ASL: variants seen among roughly 807,000 people sequenced by gnomAD.
ASL encodes the protein argininosuccinase.
ASL carries 51 observed loss-of-function variants against 69.1 expected under a neutral mutation model. The observed-to-expected ratio is 0.74, with a 90% CI of 0.59 to 0.93. The LOEUF (loss-of-function observed/expected upper bound fraction) is 0.93. ASL is among the 40% of genes least tolerant of loss of function. The pLI, the probability that ASL is intolerant of heterozygous loss-of-function variation, is 0.00. For missense variants in ASL, 540 were observed against 623.9 expected, an observed-to-expected ratio of 0.87 and a Z score of 1.43; for synonymous variants, 241 against 247.6, an observed-to-expected ratio of 0.97 and a Z score of 0.25.
In ASL at chr7:66,091,730, C is replaced by A. The variant is rs188153223; in HGVS notation, c.1063-276C>A. ...AGACCCTGTCTCCTAAAACAGAAAACAAATCCTCCAGGAACATCTGATGCA... is the reference window on the plus strand; with the variant it reads ...AGACCCTGTCTCCTAAAACAGAAAAAAAATCCTCCAGGAACATCTGATGCA... On this transcript the variant is annotated intron_variant, in intron 14 of 16. Coordinates refer to ENST00000304874, the MANE Select transcript of ASL (RefSeq NM_000048.4). The A allele has an allele frequency of 2.0e-3, 916 of 465,956 alleles. 12 individuals carry two copies. The highest frequency in any genetic ancestry group is 0.016 in the African/African-American group (835 of 50,652). 28.9% of individuals were successfully genotyped at this position (465,956 alleles called of 1,614,324 possible).
intron 2 of ASL, among the ~76,000 whole-genome samples, chr7:66,077,805 C>T (rs1362478801): frequency 6.6e-6 from 1 of 152,224 alleles, no homozygotes; most frequent in Non-Finnish European, 1.5e-5. Context: ...AACTGTTGCT[C>T]ATTCAACCCA....
Position 66,081,965 on chromosome 7 carries a change from G to A in ASL, c.175G>A (p.Glu59Lys), listed in dbSNP as rs869312985. ...GAAGGCAGGGCTCCTCACCAAGGCC[G>A]AGATGGACCAGATACTCCATGGCCT... ...LEKAGLLTKA[E>K]MDQILHGLDK... The change falls in exon 3 of 17, where the codon GAG (glutamate) becomes AAG (lysine). Residue 59 changes from glutamate (E) to lysine (K), a missense_variant. Glu to Lys is a moderately conservative substitution (Grantham distance 56). Coordinates refer to ENST00000304874, the MANE Select transcript of ASL (RefSeq NM_000048.4). The A allele has an allele frequency of 5.6e-6, 9 of 1,612,480 alleles. No individual in the cohort carries two copies. Among genetic ancestry groups the A allele is most frequent in the Admixed American group, 1.7e-5 (1 of 59,706 alleles).
Position 66,093,081 on chromosome 7 carries a change from G to A in ASL, c.*169G>A. 1 of 1,138,864 alleles carries A rather than the reference G, an allele frequency of 8.8e-7. No homozygotes were observed. Among genetic ancestry groups the A allele is most frequent in the South Asian group, 1.4e-5 (1 of 69,442 alleles). 70.5% of individuals were successfully genotyped at this position (1,138,864 alleles called of 1,614,324 possible). ...CCTGTAATCCCAGCACTTTGGAAGG[G>A]CAAGGTGCGAGGATGCTTGAGGCCA... On this transcript the variant is annotated 3_prime_UTR_variant, in exon 17 of 17. Transcript: ENST00000304874.
intron 3 of ASL, 119 bp from the exon 4 acceptor site, chr7:66,082,249 G>A (rs549481851): frequency 2.5e-6 from 3 of 1,202,482 alleles, no homozygotes; most frequent in African/African-American, 3.0e-5. Flanking sequence ...TGCGCTTCCA[G>A]GACTCAGCTC....
rs1228047537 is a variant in ASL at position 66,082,439 on chromosome 7, G to A, written c.279G>A (p.Glu93=). ...SNDEDIHTAN[E]RRLKELIGAT... ...ATGAGGACATCCACACAGCCAATGA[G>A]CGCCGCCTGAAGGTACGACCCCTGG... Residue 93 remains glutamate (E), a synonymous_variant, in exon 4 of 17, where the codon GAG becomes GAA. Transcript: ENST00000304874. 1 of 1,610,298 alleles carries A rather than the reference G, an allele frequency of 6.2e-7. No homozygotes were observed. The highest frequency in any genetic ancestry group is 8.5e-7 in the Non-Finnish European group (1 of 1,179,304).
At position 66,093,059 on chromosome 7, in the gene ASL, GTAAT is replaced by G; in HGVS notation, c.*148_*151del. 2.2e-6 allele frequency: 3 copies of G among 1,352,522 alleles called. No homozygotes were observed. The highest frequency in any genetic ancestry group is 3.0e-6 in the Non-Finnish European group (3 of 988,352). The allele number at this position is 1,352,522 out of a possible 1,614,324, so 83.8% of individuals were successfully genotyped here. A position where few individuals can be genotyped will look rare whatever the true frequency, so the allele number is the denominator to read the frequency against. On this transcript the variant is annotated 3_prime_UTR_variant, in exon 17 of 17. Coordinates refer to ENST00000304874, the MANE Select transcript of ASL (RefSeq NM_000048.4). ...CTGGAGAGGCAGGGCAGGGTGGCCTGTAATCCCAGCACTTTGGAAGGGCAAGGTG... is the reference window on the plus strand; with the variant it reads ...CTGGAGAGGCAGGGCAGGGTGGCCTGCCCAGCACTTTGGAAGGGCAAGGTG...
chr7:66,083,501 A>T (rs1186150353), intron 6 of ASL, among the ~76,000 whole-genome samples: 1 of 151,990 alleles, frequency 6.6e-6, no homozygotes, highest in Non-Finnish European at 1.5e-5. Flanking sequence ...CCTGGCCAAC[A>T]TGGGAAAACT....
intron 14 of ASL, among the ~76,000 whole-genome samples, chr7:66,090,852 A>G (rs1786820518): frequency 1.3e-5 from 2 of 151,954 alleles, no homozygotes; most frequent in African/African-American, 4.8e-5. Context: ...AATCCCATCA[A>G]TTTGCGAGAC....
Position 66,087,354 on chromosome 7 carries a change from C to G in ASL, c.623C>G (p.Pro208Arg), listed in dbSNP as rs1263616535. 1 of 1,606,082 alleles carries G rather than the reference C, an allele frequency of 6.2e-7. No homozygotes were observed. The highest frequency in any genetic ancestry group is 1.7e-5 in the Admixed American group (1 of 59,978). Residue 208 changes from proline to arginine, a missense_variant, in exon 9 of 17, where the codon CCC becomes CGC. Physicochemically the swap from Pro to Arg is moderately radical, Grantham distance 103 (BLOSUM62 -2). Transcript: ENST00000304874. ...TGCAGTGGGGCCATTGCAGGCAATCCCCTGGGTGTGGACCGAGAGCTGCTC... is the reference window on the plus strand; with the variant it reads ...TGCAGTGGGGCCATTGCAGGCAATCGCCTGGGTGTGGACCGAGAGCTGCTC... ...PLGSGAIAGN[P>R]LGVDRELLRA... is the part of the protein sequence containing the mutation.
intron 8 of ASL, chr7:66,087,084 A>G (rs1458424942): frequency 1.6e-6 from 1 of 640,720 alleles, no homozygotes; most frequent in Non-Finnish European, 2.7e-6. Context: ...GTGTCAGGAG[A>G]CAAGTGTCCT....
rs1786861490 is a variant in ASL at position 66,092,103 on chromosome 7, C to T, written c.1143+17C>T. 1 of 1,608,912 alleles carries T rather than the reference C, an allele frequency of 6.2e-7. No homozygotes were observed. Among genetic ancestry groups the T allele is most frequent in the Non-Finnish European group, 8.5e-7 (1 of 1,179,892 alleles). ...CGCAAAGGGGTAAGTGTGTAGCAGC[C>T]AGGGGGAGGGTGAGGAGATGGGGTG... On this transcript the variant is annotated intron_variant, in intron 15 of 16. Coordinates refer to ENST00000304874, the MANE Select transcript of ASL (RefSeq NM_000048.4).
At chr7:66,082,323 T>G in intron 3 of ASL, 45 bp from the exon 4 acceptor site, 1 of 1,562,976 alleles carries the variant, frequency 6.4e-7, no homozygotes, top group South Asian at 1.2e-5. Flanking sequence ...TCTTGGCTGC[T>G]GATGCCTGCT....
At chr7:66,091,854 A>G in intron 14 of ASL, 152 bp from the exon 15 acceptor site, 1 of 758,820 alleles carries the variant, frequency 1.3e-6, no homozygotes, top group East Asian at 2.5e-5. Context: ...AATTATGAGA[A>G]GATGGTTCAA....
chr7:66,077,829 C>T (rs1786392111), intron 2 of ASL, among the ~76,000 whole-genome samples: 1 of 152,162 alleles, frequency 6.6e-6, no homozygotes, highest in Non-Finnish European at 1.5e-5. Context: ...CAACTCAGTG[C>T]CCCATCCCCT....
At chr7:66,084,455 C>G (rs949932165) in intron 6 of ASL, among the ~76,000 whole-genome samples, 2 of 151,994 alleles carry the variant, frequency 1.3e-5, no homozygotes, top group African/African-American at 4.8e-5. Context: ...AGCCACTGCG[C>G]TCAGCTTAAT....
At chr7:66,083,667 G>C (rs1786577427) in intron 6 of ASL, among the ~76,000 whole-genome samples, 1 of 151,102 alleles carries the variant, frequency 6.6e-6, no homozygotes, top group Admixed American at 6.6e-5. Flanking sequence ...CTGGGCTACA[G>C]AGCGAGACTC....
chr7:66,087,901 T>C, intron 10 of ASL, 110 bp downstream of exon 10: 1 of 1,402,906 alleles, frequency 7.1e-7, no homozygotes, highest in Non-Finnish European at 1.0e-6. Flanking sequence ...TGTGGTGATA[T>C]TGTACACTGA....
chr7:66,089,768 T>C, intron 14 of ASL, 73 bp downstream of exon 14: 2 of 1,540,580 alleles, frequency 1.3e-6, no homozygotes, highest in Admixed American at 1.8e-5. Context: ...GAGGGTGGCC[T>C]TGGGAGGAGG....
chr7:66,089,406 C>G (rs929269027), intron 13 of ASL, 71 bp downstream of exon 13: 2 of 1,543,098 alleles, frequency 1.3e-6, no homozygotes, highest in African/African-American at 2.7e-5. Context: ...GGCAGGGCCC[C>G]ACCCCGGGAT....
Sources: gnomAD v4.1 joint callset for allele counts (sites outside exome capture counted in the v4.1 genomes callset) on GRCh38, gnomAD v4.1.1 for gene constraint, MANE v1.5 for transcripts, NCBI Gene and HGNC (gene_info 2026-07-23, HGNC 2026-07-21) for gene names.